DNM1: variants seen among roughly 807,000 people sequenced by gnomAD.
DNM1 encodes the protein dynamin-1.
A neutral mutation model predicts 104.6 loss-of-function variants in DNM1; 29 were observed. That is an observed-to-expected ratio of 0.28 (90% CI 0.21 to 0.38). The LOEUF (loss-of-function observed/expected upper bound fraction) is 0.38, where lower values mean the gene tolerates loss of function less well. DNM1 is among the 10% of genes least tolerant of loss of function. The pLI is 1.00. For synonymous variants in DNM1, 445 were observed against 475.8 expected (o/e 0.94, Z 0.84); for missense variants, 640 against 1,189.4 (o/e 0.54, Z 6.79).
At chr9:128,227,302 C>T (rs2131195078) in intron 10 of DNM1, among the ~76,000 whole-genome samples, 1 of 151,786 alleles carries the variant, frequency 6.6e-6, no homozygotes, top group South Asian at 2.1e-4. Context: ...ACATGAGCCA[C>T]CGCGCATTCT....
Position 128,250,770 on chromosome 9 carries a change from G to GC in DNM1, c.2369dup (p.Ala791SerfsTer34). The GC allele has an allele frequency of 2.1e-6, 3 of 1,400,202 alleles. No homozygotes were observed. Among genetic ancestry groups the GC allele is most frequent in the South Asian group, 1.6e-5 (1 of 64,166 alleles). 86.7% of individuals were successfully genotyped at this position (1,400,202 alleles called of 1,614,324 possible). A position where few individuals can be genotyped will look rare whatever the true frequency, so the allele number is the denominator to read the frequency against. On this transcript the variant is annotated frameshift_variant, in exon 21 of 22. Coordinates refer to ENST00000372923, the MANE Select transcript of DNM1 (RefSeq NM_004408.4). LOFTEE classifies it high-confidence loss of function. ...CGCCGCAGCGCCGAGCCCCCGCCGT[G>GC]CCCCCAGCCCGGCCCGGGTCGCGGG...
chr9:128,222,451 C>T lies in DNM1; in HGVS notation c.993-10C>T. On this transcript the variant is annotated splice_polypyrimidine_tract_variant and intron_variant, in intron 7 of 21. Transcript: ENST00000372923. The surrounding 1 kb of genome is among the most constrained non-coding windows in gnomAD (Gnocchi z 7.8). ...TCCTGCCCCCTCAGGCCACACCACTCTCCCACCAGGATGGTCCAGCAGTTC... is the reference window on the plus strand; with the variant it reads ...TCCTGCCCCCTCAGGCCACACCACTTTCCCACCAGGATGGTCCAGCAGTTC... 6.2e-7 allele frequency: 1 copy of T among 1,614,080 alleles called. No individual in the cohort carries two copies. The highest frequency in any genetic ancestry group is 1.1e-5 in the South Asian group (1 of 91,074).
In DNM1 at chr9:128,245,036, A is replaced by G. The variant is rs1588442354; in HGVS notation, c.1672-1358A>G. Reference sequence around the variant, plus strand: ...GGGGCTGAGAAGGAGGGGCCTGAGGAGGGGGCCGGCCGGCAGGAAGGGAGG... The same window carrying G: ...GGGGCTGAGAAGGAGGGGCCTGAGGGGGGGGCCGGCCGGCAGGAAGGGAGG... On this transcript the variant is annotated intron_variant, in intron 15 of 21. Coordinates refer to ENST00000372923, the MANE Select transcript of DNM1 (RefSeq NM_004408.4). This position sits in a 1 kb window ranked among gnomAD's most constrained non-coding sequence, Gnocchi z 5.2. 2.7e-5 allele frequency: 6 copies of G among 223,946 alleles called. No individual in the cohort carries two copies. Among genetic ancestry groups the G allele is most frequent in the South Asian group, 4.4e-5 (1 of 22,804 alleles). 13.9% of individuals were successfully genotyped at this position (223,946 alleles called of 1,614,324 possible).
At chr9:128,242,192 C>T (rs1189991539) in intron 14 of DNM1, 40 bp from the exon 15 acceptor site, 5 of 1,185,036 alleles carry the variant, frequency 4.2e-6, no homozygotes, top group Admixed American at 1.7e-5. Context: ...TGGGGAGGCT[C>T]AGGCCCTGTC....
At chr9:128,208,259 C>T (rs1834092071) in intron 1 of DNM1, among the ~76,000 whole-genome samples, 1 of 152,082 alleles carries the variant, frequency 6.6e-6, no homozygotes, top group South Asian at 2.1e-4. Flanking sequence ...GGAGTTTCAT[C>T]ATGTTGTCCA....
chr9:128,253,184 C>T lies in DNM1; in HGVS notation c.2535-1470C>T, dbSNP rs1244049181. On this transcript the variant is annotated intron_variant, in intron 21 of 21. Transcript: ENST00000372923. This position sits in a 1 kb window ranked among gnomAD's most constrained non-coding sequence, Gnocchi z 5.9. Reference sequence around the variant, plus strand: ...TGCTGCATGAACGGTGTGTCTGCCCCGCTGCACTAGCTCCACACGGGGCGC... The same window carrying T: ...TGCTGCATGAACGGTGTGTCTGCCCTGCTGCACTAGCTCCACACGGGGCGC... The T allele has an allele frequency of 9.5e-6, 15 of 1,585,694 alleles. No individual in the cohort carries two copies. Among genetic ancestry groups the T allele is most frequent in the East Asian group, 8.9e-5 (4 of 44,712 alleles).
At chr9:128,215,624 T>C (rs1413510790) in intron 1 of DNM1, among the ~76,000 whole-genome samples, 1 of 152,172 alleles carries the variant, frequency 6.6e-6, no homozygotes, top group Non-Finnish European at 1.5e-5. Flanking sequence ...CCAGCATTCT[T>C]GCCAGCTGGG....
At chr9:128,214,151 C>T (rs939429832) in intron 1 of DNM1, among the ~76,000 whole-genome samples, 6 of 152,284 alleles carry the variant, frequency 3.9e-5, no homozygotes, top group Middle Eastern at 3.4e-3. Context: ...GGAAACCCAC[C>T]GTCCAACTCT....
intron 20 of DNM1, 120 bp downstream of exon 20, chr9:128,250,476 CGGA>C (rs1057500272): frequency 3.4e-6 from 4 of 1,188,556 alleles, no homozygotes; most frequent in Non-Finnish European, 4.6e-6. Flanking sequence ...GAGCGAGGGG[CGGA>C]GCTTAGAGAG....
At chr9:128,233,392 T>TCCCCCAGCCCTCGCATGC (rs1835817930) in intron 10 of DNM1, among the ~76,000 whole-genome samples, 1 of 152,226 alleles carries the variant, frequency 6.6e-6, no homozygotes, top group African/African-American at 2.4e-5. Context: ...GCCTTGCATG[T>TCCCCCAGCCCTCGCATGC]CCCCCAGCCC....
Position 128,218,700 on chromosome 9 carries a change from G to A in DNM1, c.354G>A (p.Val118=), listed in dbSNP as rs1357577359. 2.5e-6 allele frequency: 4 copies of A among 1,609,774 alleles called. No homozygotes were observed. Among genetic ancestry groups the A allele is most frequent in the Non-Finnish European group, 2.5e-6 (3 of 1,177,016 alleles). ...GCACCAACAAGGGCATCTCGCCGGT[G>A]CCTATCAACCTCCGCGTCTACTCGC... ...VTGTNKGISP[V]PINLRVYSPH... The change falls in exon 3 of 22, where the codon GTG becomes GTA. Residue 118 remains valine, a synonymous_variant. Transcript: ENST00000372923. The surrounding 1 kb of genome is among the most constrained non-coding windows in gnomAD (Gnocchi z 4.8).
Position 128,248,993 on chromosome 9 carries a change from G to A in DNM1, c.2076+240G>A, listed in dbSNP as rs1829338686. On this transcript the variant is annotated intron_variant, in intron 19 of 21. Transcript: ENST00000372923. The surrounding 1 kb of genome is among the most constrained non-coding windows in gnomAD (Gnocchi z 5.6). Reference sequence around the variant, plus strand: ...GGATCACGTGAGGTCAGGAGTTTAAGACCAGCCTGGCCAACATGGTGAAAC... The same window carrying A: ...GGATCACGTGAGGTCAGGAGTTTAAAACCAGCCTGGCCAACATGGTGAAAC... 6.6e-6 allele frequency among the ~76,000 whole-genome samples: 1 copy of A among 151,888 alleles called. No individual in the cohort carries two copies. The highest frequency in any genetic ancestry group is 1.5e-5 in the Non-Finnish European group (1 of 67,994).
At position 128,218,839 on chromosome 9, in the gene DNM1, T is replaced by TG; in HGVS notation, c.385+109dup. 7.1e-7 allele frequency: 1 copy of TG among 1,405,628 alleles called. No individual in the cohort carries two copies. The highest frequency in any genetic ancestry group is 9.5e-7 in the Non-Finnish European group (1 of 1,053,870). 87.1% of individuals were successfully genotyped at this position (1,405,628 alleles called of 1,614,324 possible). A position where few individuals can be genotyped will look rare whatever the true frequency, so the allele number is the denominator to read the frequency against. On this transcript the variant is annotated intron_variant, in intron 3 of 21. Transcript: ENST00000372923. This position sits in a 1 kb window ranked among gnomAD's most constrained non-coding sequence, Gnocchi z 4.8. ...TCCGCCCCTAGAATGACCCTGCCTCTGCATCATCCTATTCCAAGCTCCACC... is the reference window on the plus strand; with the variant it reads ...TCCGCCCCTAGAATGACCCTGCCTCTGGCATCATCCTATTCCAAGCTCCACC...
chr9:128,237,730 T>C (rs937509101), intron 11 of DNM1, among the ~76,000 whole-genome samples: 1 of 152,196 alleles, frequency 6.6e-6, no homozygotes, highest in African/African-American at 2.4e-5. Context: ...ACTTGATGAG[T>C]GTATCTGTGA....
At chr9:128,214,204 C>T (rs1424964735) in intron 1 of DNM1, among the ~76,000 whole-genome samples, 2 of 152,188 alleles carry the variant, frequency 1.3e-5, no homozygotes, top group Non-Finnish European at 2.9e-5. Flanking sequence ...GGGAGTCCAG[C>T]CTGTGGTCTC....
intron 10 of DNM1, among the ~76,000 whole-genome samples, chr9:128,228,831 A>G (rs1403162854): frequency 3.3e-5 from 5 of 151,966 alleles, no homozygotes. Context: ...AAAAATGCAA[A>G]AATTAGACGG....
At chr9:128,252,708 G>A (rs553857338) in intron 21 of DNM1, 75 of 493,260 alleles carry the variant, frequency 1.5e-4, no homozygotes, top group African/African-American at 9.5e-4. Flanking sequence ...GGACTTTAGC[G>A]AGCAAGCCCT....
chr9:128,225,311 C>G (rs1009169487), intron 10 of DNM1, among the ~76,000 whole-genome samples: 39 of 152,202 alleles, frequency 2.6e-4, no homozygotes, highest in Admixed American at 2.4e-3. Context: ...CCACCAAACC[C>G]CTGTGGAGGA....
chr9:128,213,532 A>G (rs986421720), intron 1 of DNM1, among the ~76,000 whole-genome samples: 7 of 152,198 alleles, frequency 4.6e-5, no homozygotes, highest in African/African-American at 1.7e-4. Flanking sequence ...AAGGATGAGA[A>G]GATAAGAAAT....
Sources: gnomAD v4.1 joint callset for allele counts (sites outside exome capture counted in the v4.1 genomes callset) on GRCh38, gnomAD v4.1.1 for gene constraint, Gnocchi (gnomAD v3.1) non-coding constraint, MANE v1.5 for transcripts, NCBI Gene and HGNC (gene_info 2026-07-23, HGNC 2026-07-21) for gene names.